The following HIF1A variants were observed in gnomAD, a reference collection of about 807,000 sequenced individuals.
HIF1A encodes the protein hypoxia-inducible factor 1-alpha.
A neutral mutation model predicts 92.7 loss-of-function variants in HIF1A; 24 were observed. That is an observed-to-expected ratio of 0.26 (90% CI 0.19 to 0.36). The LOEUF (loss-of-function observed/expected upper bound fraction) is 0.36, where lower values mean the gene tolerates loss of function less well. Ranked by LOEUF, HIF1A falls within the 10% of genes least tolerant of loss-of-function variation. HIF1A has a pLI of 1.00. For missense variants in HIF1A, 799 were observed against 998.5 expected, an observed-to-expected ratio of 0.80 and a Z score of 2.69; for synonymous variants, 319 against 338.7, an observed-to-expected ratio of 0.94 and a Z score of 0.64.
chr14:61,730,513 T>A (rs1389689736), intron 6 of HIF1A, among the ~76,000 whole-genome samples: 1 of 152,246 alleles, frequency 6.6e-6, no homozygotes, highest in Non-Finnish European at 1.5e-5. Flanking sequence ...ATAGAATCTT[T>A]GTTACCTGCA....
intron 10 of HIF1A, chr14:61,740,002 A>G (rs980724619): frequency 6.6e-6 from 1 of 151,888 alleles, no homozygotes; most frequent in Non-Finnish European, 1.5e-5. Context: ...ATAGTCAGAA[A>G]TATATATATT....
intron 8 of HIF1A, among the ~76,000 whole-genome samples, 199 bp from the exon 9 acceptor site, chr14:61,736,690 T>G (rs1378974576): frequency 6.6e-6 from 1 of 152,206 alleles, no homozygotes. Flanking sequence ...ACTGTGGATT[T>G]TATTGGGTCT....
chr14:61,711,020 C>G (rs1195352961), intron 1 of HIF1A, among the ~76,000 whole-genome samples: 3 of 143,848 alleles, frequency 2.1e-5, no homozygotes, highest in African/African-American at 7.8e-5. Flanking sequence ...GTACTTCAGC[C>G]TTGGGCAACA....
intron 1 of HIF1A, among the ~76,000 whole-genome samples, chr14:61,710,216 A>T (rs1261089773): frequency 1.3e-5 from 2 of 152,114 alleles, no homozygotes; most frequent in African/African-American, 4.8e-5. Flanking sequence ...TTATCCTGAA[A>T]TTTTGTGGTA....
chr14:61,701,294 A>C (rs1355199436), intron 1 of HIF1A, among the ~76,000 whole-genome samples: 1 of 152,198 alleles, frequency 6.6e-6, no homozygotes, highest in Non-Finnish European at 1.5e-5. Context: ...TTGAAAATTT[A>C]TTATCTTGTA....
chr14:61,728,816 A>G (rs1001890002), intron 6 of HIF1A, among the ~76,000 whole-genome samples: 9 of 152,318 alleles, frequency 5.9e-5, no homozygotes, highest in Admixed American at 2.6e-4. Context: ...AGTTGCCAGA[A>G]AGTGGGTGTC....
intron 6 of HIF1A, among the ~76,000 whole-genome samples, chr14:61,728,197 C>T (rs2044531242): frequency 1.3e-5 from 2 of 152,100 alleles, no homozygotes; most frequent in Admixed American, 1.3e-4. Flanking sequence ...TAAGATGAGT[C>T]TTTTTTTCCC....
chr14:61,737,052 A>G lies in HIF1A; in HGVS notation c.1192A>G (p.Thr398Ala). ...DKLKKEPDAL[T>A]LLAPAAGDTI... ...ACTTAAGAAGGAACCTGATGCTTTA[A>G]CTTTGCTGGCCCCAGCCGCTGGAGA... Residue 398 changes from threonine to alanine, a missense_variant, in exon 9 of 15, where the codon ACT (threonine) becomes GCT (alanine). Around this residue, in one of 2 missense-constraint regions of HIF1A, gnomAD observed 516 missense variants for 721.0 expected, o/e 0.72. Coordinates refer to ENST00000337138, the MANE Select transcript of HIF1A (RefSeq NM_001530.4). 1.2e-6 allele frequency: 2 copies of G among 1,614,196 alleles called. No individual in the cohort carries two copies. Among genetic ancestry groups the G allele is most frequent in the Non-Finnish European group, 1.7e-6 (2 of 1,180,026 alleles).
At chr14:61,714,615 T>C (rs1804536608) in intron 1 of HIF1A, among the ~76,000 whole-genome samples, 1 of 151,826 alleles carries the variant, frequency 6.6e-6, no homozygotes, top group Non-Finnish European at 1.5e-5. Flanking sequence ...GGAGACTGCA[T>C]CATTATAGTA....
chr14:61,740,698 GTT>G lies in HIF1A; in HGVS notation c.1660-52_1660-51del, dbSNP rs908218148. 1.7e-5 allele frequency: 26 copies of G among 1,546,246 alleles called. No homozygotes were observed. In the African/African-American group the frequency reaches 3.3e-4, roughly 20 times the overall value. ...TCTGAAGTGACTTTGAGTTTCACTT[GTT>G]TTTTATTTATAAGGTGTGGCCATTG... On this transcript the variant is annotated intron_variant, in intron 11 of 14. Transcript: ENST00000337138.
At chr14:61,732,988 A>T (rs2044594499) in intron 7 of HIF1A, among the ~76,000 whole-genome samples, 1 of 152,360 alleles carries the variant, frequency 6.6e-6, no homozygotes. Flanking sequence ...TGATATAGGC[A>T]TGCAGTGCAT....
At chr14:61,711,754 G>A (rs1000657784) in intron 1 of HIF1A, among the ~76,000 whole-genome samples, 2 of 152,080 alleles carry the variant, frequency 1.3e-5, no homozygotes, top group African/African-American at 4.8e-5. Context: ...CGATTCATTT[G>A]TTAACATTTA....
intron 5 of HIF1A, among the ~76,000 whole-genome samples, 197 bp from the exon 6 acceptor site, chr14:61,727,256 G>C (rs148239570): frequency 1.3e-5 from 2 of 152,290 alleles, no homozygotes; most frequent in Non-Finnish European, 2.9e-5. Context: ...GTAATGTATA[G>C]GCCCTGGGCA....
intron 12 of HIF1A, among the ~76,000 whole-genome samples, chr14:61,741,665 G>A (rs973517238): frequency 2.6e-5 from 4 of 151,950 alleles, no homozygotes; most frequent in African/African-American, 7.2e-5. Flanking sequence ...CACCATGCCC[G>A]CTCCTATTTT....
In HIF1A at chr14:61,695,816, C is replaced by T. The variant is rs2044106438; in HGVS notation, c.12C>T (p.Ala4=). 8 of 1,595,558 alleles carry T rather than the reference C, an allele frequency of 5.0e-6. No homozygotes were observed. Among genetic ancestry groups the T allele is most frequent in the South Asian group, 3.4e-5 (3 of 87,830 alleles). Residue 4 remains alanine, a synonymous_variant, in exon 1 of 15, where the codon GCC becomes GCT. Transcript: ENST00000337138. ...GGGACCGATTCACCATGGAGGGCGCCGGCGGCGCGAACGACAAGAAAAAGT... is the reference window on the plus strand; with the variant it reads ...GGGACCGATTCACCATGGAGGGCGCTGGCGGCGCGAACGACAAGAAAAAGT... MEG[A]GGANDKKKIS...
intron 1 of HIF1A, among the ~76,000 whole-genome samples, chr14:61,703,485 T>C (rs563015532): frequency 1.4e-4 from 21 of 152,304 alleles, no homozygotes; most frequent in African/African-American, 5.1e-4. Flanking sequence ...TCCCTGACTT[T>C]TGTCTTGATA....
intron 12 of HIF1A, among the ~76,000 whole-genome samples, chr14:61,744,310 C>A (rs933919811): frequency 6.6e-6 from 1 of 151,914 alleles, no homozygotes; most frequent in Non-Finnish European, 1.5e-5. Flanking sequence ...AGATCACTTG[C>A]GCTCAGGAGT....
chr14:61,712,311 A>G (rs1321470259), intron 1 of HIF1A, among the ~76,000 whole-genome samples: 1 of 152,074 alleles, frequency 6.6e-6, no homozygotes, highest in Non-Finnish European at 1.5e-5. Context: ...TAAGGAGGCT[A>G]GTATGGTTAG....
At chr14:61,712,250 A>G (rs2044316105) in intron 1 of HIF1A, among the ~76,000 whole-genome samples, 1 of 152,122 alleles carries the variant, frequency 6.6e-6, no homozygotes, top group African/African-American at 2.4e-5. Context: ...AAGGGGAACA[A>G]CTAGTGCAAA....
Sources: allele counts gnomAD v4.1 joint callset (sites outside exome capture counted in the v4.1 genomes callset), GRCh38; gene constraint gnomAD v4.1.1; regional missense constraint gnomAD v4.1.1; transcripts MANE v1.5; gene names NCBI Gene and HGNC (gene_info 2026-07-23, HGNC 2026-07-21).